GPC6: variants seen among roughly 807,000 people sequenced by gnomAD.
The protein encoded by GPC6 is glypican-6.
In GPC6, 14 loss-of-function variants were observed where a neutral mutation model predicts 55.2. The observed-to-expected ratio is 0.25, with a 90% CI of 0.17 to 0.40. The LOEUF is 0.40. Among genes scored for constraint, GPC6 ranks in the 10% least tolerant of loss-of-function variants. GPC6 has a pLI of 1.00. For synonymous variants in GPC6, 278 were observed against 259.6 expected (o/e 1.07, Z -0.68); for missense variants, 641 against 708.5 (o/e 0.90, Z 1.08).
intron 1 of GPC6, among the ~76,000 whole-genome samples, chr13:93,339,230 G>C (rs1324652639): frequency 1.3e-5 from 2 of 151,948 alleles, no homozygotes; most frequent in Admixed American, 6.6e-5. Flanking sequence ...AATATCTGGA[G>C]CCATCTTAAT....
At chr13:93,634,986 G>A (rs767936153) in intron 2 of GPC6, among the ~76,000 whole-genome samples, 1 of 152,098 alleles carries the variant, frequency 6.6e-6, no homozygotes, top group African/African-American at 2.4e-5. Flanking sequence ...TAGAGCTGAA[G>A]GGAAGCTGCT....
intron 2 of GPC6, among the ~76,000 whole-genome samples, chr13:93,790,612 T>C (rs1376833060): frequency 6.6e-6 from 1 of 152,170 alleles, no homozygotes. Context: ...CTCCCTTTAA[T>C]TCAATTTTGT....
At chr13:94,088,321 A>G (rs1885359781) in intron 4 of GPC6, among the ~76,000 whole-genome samples, 1 of 152,128 alleles carries the variant, frequency 6.6e-6, no homozygotes, top group Non-Finnish European at 1.5e-5. Flanking sequence ...AATTATAATA[A>G]TTTAATTATT....
At chr13:93,551,454 T>C (rs1422555046) in intron 2 of GPC6, among the ~76,000 whole-genome samples, 2 of 152,186 alleles carry the variant, frequency 1.3e-5, no homozygotes, top group Non-Finnish European at 2.9e-5. Context: ...CATTTTGTTC[T>C]GGTCTGGTCT....
chr13:94,093,462 G>A (rs1334748555), intron 4 of GPC6, among the ~76,000 whole-genome samples: 2 of 151,882 alleles, frequency 1.3e-5, no homozygotes, highest in South Asian at 2.1e-4. Flanking sequence ...GTTGGTTTAC[G>A]TATCTATTTT....
At chr13:94,212,926 G>A (rs770547329) in intron 4 of GPC6, among the ~76,000 whole-genome samples, 4 of 152,202 alleles carry the variant, frequency 2.6e-5, no homozygotes, top group Non-Finnish European at 5.9e-5. Flanking sequence ...GGGAGGCCAA[G>A]GTGGGCAGAT....
At chr13:93,534,850 T>C (rs1434276199) in intron 1 of GPC6, among the ~76,000 whole-genome samples, 1 of 152,172 alleles carries the variant, frequency 6.6e-6, no homozygotes, top group African/African-American at 2.4e-5. Context: ...TTCTCTTTTT[T>C]ATTTTAGAGC....
Position 93,566,709 on chromosome 13 carries a change from T to A in GPC6, c.319+21288T>A, listed in dbSNP as rs145718363. 3.7e-3 allele frequency among the ~76,000 whole-genome samples: 563 copies of A among 151,452 alleles called. 4 individuals are homozygous for A. Among genetic ancestry groups the A allele is most frequent in the African/African-American group, 0.013 (546 of 40,858 alleles). On this transcript the variant is annotated intron_variant, in intron 2 of 8. Coordinates refer to ENST00000377047, the MANE Select transcript of GPC6 (RefSeq NM_005708.5). ...TAGGTATTTCTCCTAAAGCTATCCC[T>A]CCCCTTGCCCCCTCCCCTTGACAGG...
intron 5 of GPC6, among the ~76,000 whole-genome samples, chr13:94,288,497 C>A (rs535297907): frequency 6.6e-5 from 10 of 151,852 alleles, no homozygotes; most frequent in African/African-American, 1.7e-4. Context: ...AAAACTCCTG[C>A]AAGCTCTTGC....
At chr13:93,467,575 C>A in intron 1 of GPC6, among the ~76,000 whole-genome samples, 1 of 74,020 alleles carries the variant, frequency 1.4e-5, no homozygotes. Context: ...AGCTGTGATT[C>A]TTTTTTTTTT....
At chr13:93,762,894 T>C (rs547630115) in intron 2 of GPC6, among the ~76,000 whole-genome samples, 4 of 152,304 alleles carry the variant, frequency 2.6e-5, no homozygotes, top group African/African-American at 7.2e-5. Flanking sequence ...TATAGTAGAT[T>C]GCCCCTGTGC....
At chr13:93,390,173 GTT>G (rs56206406) in intron 1 of GPC6, among the ~76,000 whole-genome samples, 9,906 of 150,488 alleles carry the variant, frequency 0.066, 401 homozygotes, top group African/African-American at 0.1. Flanking sequence ...TGAAAATTCT[GTT>G]TTTTTTTTTT....
the GPC6 span, among the ~76,000 whole-genome samples, chr13:93,219,224 G>T: frequency 6.6e-6 from 1 of 151,914 alleles, no homozygotes; most frequent in Non-Finnish European, 1.5e-5. Context: ...CTCCCGAGTA[G>T]CTGGGACTAC....
intron 4 of GPC6, among the ~76,000 whole-genome samples, chr13:94,253,768 A>G (rs1325119868): frequency 6.6e-6 from 1 of 152,158 alleles, no homozygotes; most frequent in Non-Finnish European, 1.5e-5. Flanking sequence ...GATGATGGCA[A>G]AATGATATCT....
chr13:94,263,609 T>A (rs1371507727), intron 4 of GPC6, among the ~76,000 whole-genome samples: 2 of 152,226 alleles, frequency 1.3e-5, no homozygotes, highest in Admixed American at 6.5e-5. Flanking sequence ...AATAGGTTAA[T>A]CATAGCAGTC....
chr13:93,904,175 C>T (rs979744531), intron 3 of GPC6, among the ~76,000 whole-genome samples: 6 of 152,096 alleles, frequency 3.9e-5, no homozygotes, highest in African/African-American at 9.7e-5. Flanking sequence ...GCTGTCACCA[C>T]GTCTGGCAGA....
chr13:94,145,530 AC>A (rs1288105858), intron 4 of GPC6, among the ~76,000 whole-genome samples: 3 of 149,358 alleles, frequency 2.0e-5, no homozygotes. Flanking sequence ...TCATATGTGT[AC>A]CCCCAGAATC....
At chr13:93,637,601 C>T (rs1344646192) in intron 2 of GPC6, among the ~76,000 whole-genome samples, 1 of 152,108 alleles carries the variant, frequency 6.6e-6, no homozygotes, top group South Asian at 2.1e-4. Context: ...TCAGAACTTT[C>T]CTATAGGTGA....
intron 3 of GPC6, 37 bp from the exon 4 acceptor site, chr13:94,027,692 A>G (rs1230211030): frequency 6.3e-7 from 1 of 1,597,754 alleles, no homozygotes; most frequent in Non-Finnish European, 8.6e-7. Context: ...TATCCTTCTT[A>G]TTTTTGATTT....
Sources: allele counts gnomAD v4.1 joint callset (sites outside exome capture counted in the v4.1 genomes callset), GRCh38; gene constraint gnomAD v4.1.1; transcripts MANE v1.5; gene names NCBI Gene and HGNC (gene_info 2026-07-23, HGNC 2026-07-21).